The following MROH2B variants were observed in gnomAD, a reference collection of about 807,000 sequenced individuals.
MROH2B encodes maestro heat like repeat family member 2B, also known as maestro heat-like repeat-containing protein family member 2B.
Under a neutral mutation model 208.6 loss-of-function variants are expected in MROH2B, and 177 were observed. That is an observed-to-expected ratio of 0.85 (90% CI 0.75 to 0.96). MROH2B has a LOEUF of 0.96. Ranked by LOEUF, MROH2B falls within the 40% of genes least tolerant of loss-of-function variation. The pLI is 0.00. For missense variants in MROH2B, 2,002 were observed against 1,878.7 expected (o/e 1.07, Z -1.21); for synonymous variants, 728 against 659.0 (o/e 1.10, Z -1.60).
Position 41,058,098 on chromosome 5 carries a change from A to G in MROH2B, c.721T>C (p.Tyr241His). 1 of 1,603,674 alleles carries G rather than the reference A, an allele frequency of 6.2e-7. No homozygotes were observed. Among genetic ancestry groups the G allele is most frequent in the Non-Finnish European group, 8.5e-7 (1 of 1,175,080 alleles). The change falls in exon 7 of 42, where the codon TAT (tyrosine) becomes CAT (histidine). Residue 241 changes from tyrosine (Y) to histidine (H), a missense_variant. Physicochemically the swap from Tyr to His is moderately conservative, Grantham distance 83. Coordinates refer to ENST00000399564, the MANE Select transcript of MROH2B (RefSeq NM_173489.5). ...TGGAAATCAATCTCTTTGTCTTTAT[A>G]CTGGTTCAGGAGCCAGGGCACCTGG... ...LGQVPWLLNQYKDKEIDFHVT... is the reference protein window; with the variant it reads ...LGQVPWLLNQHKDKEIDFHVT...
chr5:41,033,826 TATC>T lies in MROH2B; in HGVS notation c.2241+9_2241+11del, dbSNP rs767316437. On this transcript the variant is annotated intron_variant, in intron 22 of 41. Coordinates refer to ENST00000399564, the MANE Select transcript of MROH2B (RefSeq NM_173489.5). ...CTATCTATCTATCTATCTATCTATC[TATC>T]TCTCCTACCTTGTTCATCACAGACA... 1.8e-3 allele frequency: 2,773 copies of T among 1,500,280 alleles called. 144 individuals are homozygous for T. The highest frequency in any genetic ancestry group is 0.013 in the African/African-American group (916 of 70,552). 92.9% of individuals were successfully genotyped at this position (1,500,280 alleles called of 1,614,324 possible).
intron 13 of MROH2B, among the ~76,000 whole-genome samples, chr5:41,050,291 T>C (rs1579949461): frequency 2.0e-5 from 3 of 152,186 alleles, no homozygotes; most frequent in Non-Finnish European, 2.9e-5. Context: ...GGTTGGACCC[T>C]AGATTATTTT....
intron 9 of MROH2B, among the ~76,000 whole-genome samples, chr5:41,056,164 G>A (rs148056741): frequency 7.6e-4 from 115 of 152,236 alleles, no homozygotes; most frequent in African/African-American, 2.7e-3. Context: ...AATATGACTG[G>A]TGTCCTTACA....
At chr5:41,031,838 T>C (rs1742581512) in intron 24 of MROH2B, among the ~76,000 whole-genome samples, 1 of 152,124 alleles carries the variant, frequency 6.6e-6, no homozygotes, top group African/African-American at 2.4e-5. Flanking sequence ...TGGTATTTGG[T>C]TTTCCTGCAT....
At position 41,071,162 on chromosome 5, in the gene MROH2B, A is replaced by C; in HGVS notation, c.-310T>G. On this transcript the variant is annotated 5_prime_UTR_variant, in exon 1 of 42. Coordinates refer to ENST00000399564, the MANE Select transcript of MROH2B (RefSeq NM_173489.5). ...GACCAGAGTATTTGGGAAAGAAGTA[A>C]TTAGAGACTGGGATTCAAACCATTG... 3.2e-6 allele frequency: 1 copy of C among 313,298 alleles called. No individual in the cohort carries two copies. Among genetic ancestry groups the C allele is most frequent in the Non-Finnish European group, 5.9e-6 (1 of 168,788 alleles). 19.4% of individuals were successfully genotyped at this position (313,298 alleles called of 1,614,324 possible).
At position 41,015,624 on chromosome 5, in the gene MROH2B, A is replaced by G; in HGVS notation, c.2885-146T>C. 5 of 648,616 alleles carry G rather than the reference A, an allele frequency of 7.7e-6. No homozygotes were observed. In the South Asian group the frequency reaches 7.9e-5, roughly 10 times the overall value. The allele number at this position is 648,616 out of a possible 1,614,324, so 40.2% of individuals were successfully genotyped here. On this transcript the variant is annotated intron_variant, in intron 28 of 41. Coordinates refer to ENST00000399564, the MANE Select transcript of MROH2B (RefSeq NM_173489.5). ...CGCTAACACATACTGAGTGGTTTCT[A>G]CATGCTGGGCACCATGCAGATACTC...
At chr5:41,030,652 G>A (rs1380413083) in intron 24 of MROH2B, among the ~76,000 whole-genome samples, 2 of 151,934 alleles carry the variant, frequency 1.3e-5, no homozygotes, top group Admixed American at 1.3e-4. Flanking sequence ...TAAAAAAAGA[G>A]CCCACATAGG....
At chr5:41,045,639 T>A (rs1398727599) in intron 18 of MROH2B, 107 bp downstream of exon 18, 8 of 772,264 alleles carry the variant, frequency 1.0e-5, no homozygotes, top group East Asian at 2.6e-5. Context: ...TTTTTTTTTT[T>A]AAATGTTCCT....
rs142381402 is a variant in MROH2B at position 41,033,875 on chromosome 5, T to C, written c.2215-11A>G. On this transcript the variant is annotated splice_polypyrimidine_tract_variant and intron_variant, in intron 21 of 41. Transcript: ENST00000399564. ...AGACATGCCCAGAACCTAAAAAAAA[T>C]CAAAGGCAAAATTAGATACTCAATG... is the stretch of plus-strand genomic sequence containing the variant. The C allele has an allele frequency of 2.3e-5, 36 of 1,547,922 alleles. No homozygotes were observed. In the South Asian group the frequency reaches 3.3e-4, roughly 14 times the overall value.
At position 41,038,784 on chromosome 5, in the gene MROH2B, A is replaced by C; in HGVS notation, c.2166T>G (p.Asn722Lys). Reference sequence around the variant, plus strand: ...ACAGGACTTGGGATATGATATCTTGATTAAGTCTGGAGAGAAGTTGCTTCT... The same window carrying C: ...ACAGGACTTGGGATATGATATCTTGCTTAAGTCTGGAGAGAAGTTGCTTCT... ...APKKQLLSRLNQDIISQVLSL... is the reference protein window; with the variant it reads ...APKKQLLSRLKQDIISQVLSL... The change falls in exon 21 of 42, where the codon AAT becomes AAG. Residue 722 changes from asparagine (N) to lysine (K), a missense_variant. Coordinates refer to ENST00000399564, the MANE Select transcript of MROH2B (RefSeq NM_173489.5). 1 of 1,613,572 alleles carries C rather than the reference A, an allele frequency of 6.2e-7. No homozygotes were observed. The highest frequency in any genetic ancestry group is 8.5e-7 in the Non-Finnish European group (1 of 1,179,668).
At chr5:41,039,317 T>C in intron 20 of MROH2B, 131 bp downstream of exon 20, 1 of 601,306 alleles carries the variant, frequency 1.7e-6, no homozygotes, top group Admixed American at 3.1e-5. Context: ...AGACTGGGCT[T>C]GGACAGTTCT....
Position 41,058,075 on chromosome 5 carries a change from G to A in MROH2B, c.744C>T (p.Phe248=), listed in dbSNP as rs767668471. ...GTATGGCTCTTACCTGAGTGACATGGAAATCAATCTCTTTGTCTTTATACT... is the reference window on the plus strand; with the variant it reads ...GTATGGCTCTTACCTGAGTGACATGAAAATCAATCTCTTTGTCTTTATACT... ...LNQYKDKEID[F]HVTQSLKQIL... Residue 248 remains phenylalanine, a synonymous_variant, in exon 7 of 42, where the codon TTC becomes TTT. Coordinates refer to ENST00000399564, the MANE Select transcript of MROH2B (RefSeq NM_173489.5). 2.4e-5 allele frequency: 38 copies of A among 1,591,552 alleles called. No individual in the cohort carries two copies. The South Asian group carries it at 3.6e-4, about 15-fold the overall frequency.
intron 6 of MROH2B, 98 bp downstream of exon 6, chr5:41,061,472 C>T: frequency 9.1e-7 from 1 of 1,095,954 alleles, no homozygotes; most frequent in Non-Finnish European, 1.2e-6. Flanking sequence ...CCAATGGCTT[C>T]CAAAAATACT....
chr5:41,066,248 A>G (rs1743809176), intron 3 of MROH2B, among the ~76,000 whole-genome samples: 1 of 152,202 alleles, frequency 6.6e-6, no homozygotes, highest in African/African-American at 2.4e-5. Context: ...GTGATGGCGA[A>G]CTAGGTAAAT....
At position 41,009,866 on chromosome 5, in the gene MROH2B, A is replaced by T. The variant is rs1741719420; in HGVS notation, c.3293+56T>A. On this transcript the variant is annotated intron_variant, in intron 31 of 41. Transcript: ENST00000399564. ...GCTCTCAAACCGTAAATCCCTCCCC[A>T]GTGCCTTTCAGAGTGGCCTTCCCTA... 2.1e-5 allele frequency: 32 copies of T among 1,547,122 alleles called. No individual in the cohort carries two copies. The South Asian group carries it at 4.0e-4, about 19-fold the overall frequency.
At chr5:41,004,952 T>A in intron 35 of MROH2B, 32 bp from the exon 36 acceptor site, 1 of 1,608,586 alleles carries the variant, frequency 6.2e-7, no homozygotes, top group Non-Finnish European at 8.5e-7. Context: ...TCCCGTTTAG[T>A]TAAGGGCGTG....
At chr5:41,057,981 T>C in intron 7 of MROH2B, 82 bp downstream of exon 7, 1 of 1,348,792 alleles carries the variant, frequency 7.4e-7, no homozygotes. Flanking sequence ...TTAAGCTCCT[T>C]AGGGTCTTTT....
intron 41 of MROH2B, among the ~76,000 whole-genome samples, 192 bp from the exon 42 acceptor site, chr5:40,998,350 G>A (rs1234123423): frequency 6.6e-6 from 1 of 152,154 alleles, no homozygotes; most frequent in African/African-American, 2.4e-5. Flanking sequence ...TGAAATAAGG[G>A]AAGAGAAGGC....
intron 24 of MROH2B, among the ~76,000 whole-genome samples, chr5:41,028,327 C>A (rs1480054123): frequency 6.6e-6 from 1 of 152,212 alleles, no homozygotes; most frequent in Non-Finnish European, 1.5e-5. Context: ...CAGCTATAAT[C>A]TACTCACTTA....
Sources: allele counts gnomAD v4.1 joint callset (sites outside exome capture counted in the v4.1 genomes callset), GRCh38; gene constraint gnomAD v4.1.1; transcripts MANE v1.5; gene names NCBI Gene and HGNC (gene_info 2026-07-23, HGNC 2026-07-21).